Variants in WWOX observed in about 807,000 individuals in gnomAD.
The protein encoded by WWOX is WW domain containing oxidoreductase, also known as WW domain-containing oxidoreductase.
WWOX carries 69 observed loss-of-function variants against 46.2 expected under a neutral mutation model. That is an observed-to-expected ratio of 1.49 (90% CI 1.23 to 1.82). The LOEUF (loss-of-function observed/expected upper bound fraction) is 1.82. Among genes scored for constraint, WWOX ranks in the 40% most tolerant of loss-of-function variants. The pLI is 0.00. For synonymous variants in WWOX, 359 were observed against 202.6 expected (o/e 1.77, Z -6.56); for missense variants, 919 against 542.6 (o/e 1.69, Z -6.89).
chr16:78,761,762 G>A (rs574645764), intron 8 of WWOX, among the ~76,000 whole-genome samples: 14 of 152,260 alleles, frequency 9.2e-5, no homozygotes, highest in Admixed American at 7.2e-4. Context: ...TTGGATTTAG[G>A]TATTAACCCC....
At chr16:78,310,717 C>T (rs72792336) in intron 5 of WWOX, among the ~76,000 whole-genome samples, 7,945 of 152,260 alleles carry the variant, frequency 0.052, 341 homozygotes, top group Admixed American at 0.13. Flanking sequence ...CTTCCATTAG[C>T]AAGGGTAAGG....
At chr16:78,852,092 C>G (rs1212049039) in intron 8 of WWOX, among the ~76,000 whole-genome samples, 3 of 152,130 alleles carry the variant, frequency 2.0e-5, no homozygotes, top group African/African-American at 7.2e-5. Context: ...ATTCTCTCAT[C>G]TCATTCATTT....
intron 8 of WWOX, among the ~76,000 whole-genome samples, chr16:78,865,225 G>A (rs968383016): frequency 1.3e-5 from 2 of 151,910 alleles, no homozygotes. Flanking sequence ...GATGCGATCA[G>A]TTTTTTTTCC....
At chr16:79,084,006 T>A (rs1411966193) in intron 8 of WWOX, among the ~76,000 whole-genome samples, 2 of 152,196 alleles carry the variant, frequency 1.3e-5, no homozygotes, top group African/African-American at 4.8e-5. Flanking sequence ...GGGGGCTGTT[T>A]TGGTTAACCA....
chr16:79,021,396 C>G (rs1393966181), intron 8 of WWOX, among the ~76,000 whole-genome samples: 2 of 151,984 alleles, frequency 1.3e-5, no homozygotes, highest in African/African-American at 2.4e-5. Flanking sequence ...CATTTGGTGC[C>G]CTTTGCAGAA....
intron 8 of WWOX, among the ~76,000 whole-genome samples, chr16:78,570,769 C>A (rs1051493812): frequency 6.6e-6 from 1 of 152,100 alleles, no homozygotes; most frequent in Admixed American, 6.6e-5. Context: ...AAAATATATT[C>A]CAGTGGCGAT....
At chr16:78,345,458 CAAAAAAAAAAAAAA>C (rs71137889) in intron 5 of WWOX, among the ~76,000 whole-genome samples, 8 of 26,780 alleles carry the variant, frequency 3.0e-4, no homozygotes, top group African/African-American at 4.2e-4. Context: ...CCATCGCTAC[CAAAAAAAAAAAAAA>C]AAAAAAAAAA....
intron 8 of WWOX, among the ~76,000 whole-genome samples, chr16:78,685,095 G>T (rs956515269): frequency 6.6e-6 from 1 of 152,116 alleles, no homozygotes; most frequent in African/African-American, 2.4e-5. Flanking sequence ...TTGCTTTTCA[G>T]TCTACTGGTA....
At chr16:78,537,390 G>C (rs1160248148) in intron 8 of WWOX, among the ~76,000 whole-genome samples, 1 of 152,182 alleles carries the variant, frequency 6.6e-6, no homozygotes, top group African/African-American at 2.4e-5. Flanking sequence ...TAAATCACGT[G>C]TCTTCTAAGC....
chr16:79,088,076 A>G (rs1224068730), intron 8 of WWOX, among the ~76,000 whole-genome samples: 1 of 152,042 alleles, frequency 6.6e-6, no homozygotes, highest in Non-Finnish European at 1.5e-5. Flanking sequence ...AGCCCTCTGT[A>G]TAGTGTGAGC....
intron 8 of WWOX, among the ~76,000 whole-genome samples, chr16:78,862,836 C>T (rs1279354945): frequency 2.0e-5 from 3 of 152,094 alleles, no homozygotes; most frequent in South Asian, 2.1e-4. Context: ...CTAATCGAAA[C>T]GTTAATGTCC....
chr16:78,436,689 C>G (rs532662051), intron 8 of WWOX, among the ~76,000 whole-genome samples: 1 of 152,290 alleles, frequency 6.6e-6, no homozygotes, highest in Admixed American at 6.5e-5. Flanking sequence ...CAGGCATTCA[C>G]TTTTCTTTCA....
chr16:78,852,533 C>G (rs930842995), intron 8 of WWOX, among the ~76,000 whole-genome samples: 1 of 152,142 alleles, frequency 6.6e-6, no homozygotes, highest in Non-Finnish European at 1.5e-5. Context: ...CCCCTTTAAA[C>G]TTTTGGATGA....
chr16:78,761,327 C>G (rs2049787821), intron 8 of WWOX, among the ~76,000 whole-genome samples: 1 of 152,094 alleles, frequency 6.6e-6, no homozygotes, highest in Admixed American at 6.5e-5. Flanking sequence ...ATTTTCCTGG[C>G]CCATTTACTC....
intron 8 of WWOX, chr16:78,996,121 C>G: frequency 1.2e-6 from 1 of 855,590 alleles, no homozygotes; most frequent in Non-Finnish European, 1.4e-6. Context: ...CCATGAAAGT[C>G]AGCTCAGGCG....
intron 8 of WWOX, among the ~76,000 whole-genome samples, chr16:79,172,662 T>G (rs951301572): frequency 6.6e-6 from 1 of 152,100 alleles, no homozygotes; most frequent in African/African-American, 2.4e-5. Flanking sequence ...TGTGAGGTGT[T>G]TTTTTGTTTG....
At chr16:78,307,418 G>A (rs191431991) in intron 5 of WWOX, among the ~76,000 whole-genome samples, 1 of 152,276 alleles carries the variant, frequency 6.6e-6, no homozygotes, top group Non-Finnish European at 1.5e-5. Flanking sequence ...ACAATTATAA[G>A]TGTTCTTATG....
At chr16:79,143,739 C>G (rs2050133512) in intron 8 of WWOX, among the ~76,000 whole-genome samples, 1 of 152,088 alleles carries the variant, frequency 6.6e-6, no homozygotes, top group Admixed American at 6.6e-5. Flanking sequence ...GCCGGTTTGT[C>G]TCTATGCGCC....
chr16:78,269,914 G>GTTTTTTT (rs71137883), intron 5 of WWOX, among the ~76,000 whole-genome samples: 8,024 of 125,036 alleles, frequency 0.064, 534 homozygotes, highest in East Asian at 0.2. Flanking sequence ...ACATAAGGAA[G>GTTTTTTT]TTTTTTTTTT....
Sources: allele counts gnomAD v4.1 joint callset (sites outside exome capture counted in the v4.1 genomes callset), GRCh38; gene constraint gnomAD v4.1.1; transcripts MANE v1.5; gene names NCBI Gene and HGNC (gene_info 2026-07-23, HGNC 2026-07-21).